Variants in LIG1 observed in about 807,000 individuals in gnomAD.
LIG1 encodes the protein DNA ligase 1.
LIG1 carries 70 observed loss-of-function variants against 115.7 expected under a neutral mutation model. The observed-to-expected ratio is 0.60, with a 90% CI of 0.50 to 0.74. The LOEUF (loss-of-function observed/expected upper bound fraction) is 0.74. Among genes scored for constraint, LIG1 ranks in the 30% least tolerant of loss-of-function variants. The pLI, the probability that LIG1 is intolerant of heterozygous loss-of-function variation, is 0.00. For missense variants in LIG1, 1,115 were observed against 1,225.6 expected, an observed-to-expected ratio of 0.91 and a Z score of 1.35; for synonymous variants, 487 against 495.3, an observed-to-expected ratio of 0.98 and a Z score of 0.22.
intron 1 of LIG1, among the ~76,000 whole-genome samples, chr19:48,168,203 G>A (rs540792718): frequency 6.6e-6 from 1 of 152,296 alleles, no homozygotes; most frequent in South Asian, 2.1e-4. Context: ...AAGGGAAGGA[G>A]AAATACATAA....
At chr19:48,129,719 G>A (rs1364155347) in intron 19 of LIG1, among the ~76,000 whole-genome samples, 1 of 152,100 alleles carries the variant, frequency 6.6e-6, no homozygotes, top group African/African-American at 2.4e-5. Context: ...ACAGAGGAGG[G>A]GGCCTTGCTT....
chr19:48,151,209 G>A lies in LIG1; in HGVS notation c.574+23C>T, dbSNP rs200512017. 3.5e-4 allele frequency: 514 copies of A among 1,471,332 alleles called. 3 individuals are homozygous for A. Among genetic ancestry groups the A allele is most frequent in the Non-Finnish European group, 8.1e-5 (85 of 1,050,056 alleles). 91.1% of individuals were successfully genotyped at this position (1,471,332 alleles called of 1,614,324 possible). On this transcript the variant is annotated intron_variant, in intron 7 of 27. Coordinates refer to ENST00000263274, the MANE Select transcript of LIG1 (RefSeq NM_000234.3). ...CCAAAATCAGGAGGTGGGGCAGGGC[G>A]GAGGAGAGGACCAGAAACTCACTGG...
intron 9 of LIG1, among the ~76,000 whole-genome samples, chr19:48,148,603 T>C (rs1388981567): frequency 6.6e-6 from 1 of 151,958 alleles, no homozygotes; most frequent in African/African-American, 2.4e-5. Flanking sequence ...ATGAGGGCAC[T>C]GGGAAGCCCA....
chr19:48,132,607 T>C (rs1287724440), intron 18 of LIG1, among the ~76,000 whole-genome samples: 1 of 151,582 alleles, frequency 6.6e-6, no homozygotes, highest in Non-Finnish European at 1.5e-5. Context: ...TTGGCCAACA[T>C]GGTGAAACCT....
chr19:48,132,954 T>C (rs775622683), intron 18 of LIG1, 28 bp downstream of exon 18: 7 of 1,502,706 alleles, frequency 4.7e-6, no homozygotes, highest in Non-Finnish European at 6.5e-6. Flanking sequence ...TTCCTGTCTG[T>C]GGAAGGGACA....
At chr19:48,157,928 G>A (rs1010007485) in intron 4 of LIG1, among the ~76,000 whole-genome samples, 2 of 152,132 alleles carry the variant, frequency 1.3e-5, no homozygotes, top group Non-Finnish European at 2.9e-5. Flanking sequence ...ATGACCTGGC[G>A]GGAGGCATTC....
intron 26 of LIG1, among the ~76,000 whole-genome samples, chr19:48,116,655 G>A (rs947076056): frequency 6.6e-6 from 1 of 152,036 alleles, no homozygotes; most frequent in African/African-American, 2.4e-5. Context: ...GTAAAATGGA[G>A]ATGTTTGTGT....
At chr19:48,159,049 G>A (rs1056314463) in intron 4 of LIG1, among the ~76,000 whole-genome samples, 73 of 151,906 alleles carry the variant, frequency 4.8e-4, no homozygotes, top group Non-Finnish European at 9.4e-4. Context: ...GTCTCCCATT[G>A]AGACCCTGAT....
At chr19:48,117,884 C>T in intron 25 of LIG1, 103 bp from the exon 26 acceptor site, 2 of 1,250,962 alleles carry the variant, frequency 1.6e-6, no homozygotes, top group East Asian at 2.4e-5. Flanking sequence ...AAAACAGGCA[C>T]CCCCTTGAAG....
At chr19:48,130,112 G>A (rs567320512) in intron 19 of LIG1, among the ~76,000 whole-genome samples, 10 of 152,304 alleles carry the variant, frequency 6.6e-5, no homozygotes, top group East Asian at 1.9e-4. Flanking sequence ...TTGGGGTGTC[G>A]GTTACTTGGG....
intron 9 of LIG1, among the ~76,000 whole-genome samples, chr19:48,149,294 C>T (rs1776713831): frequency 1.3e-5 from 2 of 152,072 alleles, no homozygotes; most frequent in South Asian, 4.1e-4. Context: ...AAGACTCTGT[C>T]TCAAAAATAA....
rs112550796 is a variant in LIG1, at chr19:48,122,750, G to A, written c.2232+184C>T. ...CTGGGGCTGTTCTCCATCAGAACTCGTGAGCAAGGGCTCGCAGCAGGGAGA... is the reference window on the plus strand; with the variant it reads ...CTGGGGCTGTTCTCCATCAGAACTCATGAGCAAGGGCTCGCAGCAGGGAGA... On this transcript the variant is annotated intron_variant, in intron 23 of 27. Coordinates refer to ENST00000263274, the MANE Select transcript of LIG1 (RefSeq NM_000234.3). This position sits in a 1 kb window ranked among gnomAD's most constrained non-coding sequence, Gnocchi z 4.3. Among the ~76,000 whole-genome samples, 65 of 152,288 alleles carry A rather than the reference G, an allele frequency of 4.3e-4. No individual in the cohort carries two copies. Among genetic ancestry groups the A allele is most frequent in the African/African-American group, 1.4e-3 (59 of 41,560 alleles).
intron 1 of LIG1, among the ~76,000 whole-genome samples, chr19:48,168,582 C>A (rs867579946): frequency 6.6e-6 from 1 of 152,028 alleles, no homozygotes; most frequent in Non-Finnish European, 1.5e-5. Flanking sequence ...AAGTGAGGCA[C>A]AAAGTTACCT....
intron 4 of LIG1, among the ~76,000 whole-genome samples, chr19:48,160,467 G>A (rs954626464): frequency 8.5e-5 from 13 of 152,168 alleles, no homozygotes; most frequent in South Asian, 2.1e-4. Flanking sequence ...CGGGGGAAGA[G>A]AGGAGCAGCA....
chr19:48,149,565 T>G (rs1305810307), intron 9 of LIG1, among the ~76,000 whole-genome samples, 198 bp downstream of exon 9: 1 of 152,128 alleles, frequency 6.6e-6, no homozygotes, highest in Non-Finnish European at 1.5e-5. Flanking sequence ...TTTCTACAGG[T>G]TCTGGGATCT....
chr19:48,156,071 C>A (rs142594786), intron 5 of LIG1, among the ~76,000 whole-genome samples: 1 of 152,170 alleles, frequency 6.6e-6, no homozygotes, highest in Non-Finnish European at 1.5e-5. Context: ...CATTCCAAGT[C>A]CCCCTTAGGA....
intron 12 of LIG1, chr19:48,138,013 T>C: frequency 4.5e-6 from 2 of 444,172 alleles, no homozygotes; most frequent in South Asian, 4.1e-5. Context: ...ACAAGGTCAC[T>C]AGGGAAGTGA....
At position 48,137,729 on chromosome 19, in the gene LIG1, T is replaced by C; in HGVS notation, c.1088-41A>G. The C allele has an allele frequency of 6.3e-7, 1 of 1,597,790 alleles. No homozygotes were observed. On this transcript the variant is annotated intron_variant, in intron 12 of 27. Coordinates refer to ENST00000263274, the MANE Select transcript of LIG1 (RefSeq NM_000234.3). The surrounding 1 kb of genome is among the most constrained non-coding windows in gnomAD (Gnocchi z 4.3). ...CGGGTGGGGGTGTCGAGGGTGACAG[T>C]TGTGGCTGCGTGTCTCCCTTCTCTC... is the stretch of plus-strand genomic sequence containing the variant.
intron 10 of LIG1, 28 bp from the exon 11 acceptor site, chr19:48,143,627 G>C (rs550209001): frequency 6.3e-7 from 1 of 1,592,588 alleles, no homozygotes; most frequent in South Asian, 1.1e-5. Flanking sequence ...ACGCAAGAGT[G>C]ACAGTGGTGC....
Sources: gnomAD v4.1 joint callset for allele counts (sites outside exome capture counted in the v4.1 genomes callset) on GRCh38, gnomAD v4.1.1 for gene constraint, Gnocchi (gnomAD v3.1) non-coding constraint, MANE v1.5 for transcripts, NCBI Gene and HGNC (gene_info 2026-07-23, HGNC 2026-07-21) for gene names.